Variants in DYNC1H1 observed in about 807,000 individuals in gnomAD.
DYNC1H1 encodes cytoplasmic dynein 1 heavy chain 1.
In DYNC1H1, 51 loss-of-function variants were observed where a neutral mutation model predicts 527.1. The observed-to-expected ratio is 0.10, with a 90% CI of 0.08 to 0.12. The LOEUF (loss-of-function observed/expected upper bound fraction) is 0.12. Among genes scored for constraint, DYNC1H1 ranks in the 10% least tolerant of loss-of-function variants. The probability of loss-of-function intolerance (pLI) is 1.00; values close to 1 mark genes in which losing one functional copy is unlikely to be tolerated. For missense variants in DYNC1H1, 2,771 were observed against 5,971.8 expected (o/e 0.46, Z 17.66); for synonymous variants, 2,189 against 2,278.8 (o/e 0.96, Z 1.12).
At chr14:101,995,426 A>T (rs980903441) in intron 15 of DYNC1H1, 126 bp downstream of exon 15, 1 of 1,196,828 alleles carries the variant, frequency 8.4e-7, no homozygotes, top group Non-Finnish European at 1.2e-6. Context: ...CCTGGCTAAC[A>T]CGGTGAAATG....
At position 102,020,808 on chromosome 14, in the gene DYNC1H1, G is replaced by A. The variant is rs1367986417; in HGVS notation, c.8507+752G>A. Among the ~76,000 whole-genome samples, 1 of 152,154 alleles carries A rather than the reference G, an allele frequency of 6.6e-6. No homozygotes were observed. The highest frequency in any genetic ancestry group is 1.5e-5 in the Non-Finnish European group (1 of 68,016). On this transcript the variant is annotated intron_variant, in intron 42 of 77. Coordinates refer to ENST00000360184, the MANE Select transcript of DYNC1H1 (RefSeq NM_001376.5). This position sits in a 1 kb window ranked among gnomAD's most constrained non-coding sequence, Gnocchi z 4.3. Reference sequence around the variant, plus strand: ...TTTGGCAGCTGTGCCTCTGGACCAGGTGTCATCCTGCAGTTTTTCCTGTCA... The same window carrying A: ...TTTGGCAGCTGTGCCTCTGGACCAGATGTCATCCTGCAGTTTTTCCTGTCA...
chr14:102,040,560 G>T (rs1461897577), intron 63 of DYNC1H1, 38 bp from the exon 64 acceptor site: 4 of 1,613,810 alleles, frequency 2.5e-6, no homozygotes, highest in Non-Finnish European at 3.4e-6. Context: ...CCAGAGGCCA[G>T]CCCTGCTCCA....
Position 102,016,137 on chromosome 14 carries a change from G to T in DYNC1H1, c.7473+51G>T, listed in dbSNP as rs1390829892. The T allele has an allele frequency of 1.3e-6, 2 of 1,558,288 alleles. No individual in the cohort carries two copies. The highest frequency in any genetic ancestry group is 1.7e-6 in the Non-Finnish European group (2 of 1,150,742). On this transcript the variant is annotated intron_variant, in intron 36 of 77. Coordinates refer to ENST00000360184, the MANE Select transcript of DYNC1H1 (RefSeq NM_001376.5). The surrounding 1 kb of genome is among the most constrained non-coding windows in gnomAD (Gnocchi z 7.3). The stretch of plus-strand genomic sequence containing the variant: ...GAGCTCACCACTGCGCCAGACCACA[G>T]GTCTGAGGACCTCTGAAATGCTGCA...
chr14:101,997,919 A>G lies in DYNC1H1; in HGVS notation c.3804+645A>G, dbSNP rs2048082443. 6.6e-6 allele frequency among the ~76,000 whole-genome samples: 1 copy of G among 152,214 alleles called. No homozygotes were observed. The highest frequency in any genetic ancestry group is 2.1e-4 in the South Asian group (1 of 4,834). On this transcript the variant is annotated intron_variant, in intron 16 of 77. Coordinates refer to ENST00000360184, the MANE Select transcript of DYNC1H1 (RefSeq NM_001376.5). The surrounding 1 kb of genome is among the most constrained non-coding windows in gnomAD (Gnocchi z 4.8). ...AAAGGCAGGTGGTGGTGCTGCTGCGACAGAAGCAGATGAGAGGGCGCTGGC... is the reference window on the plus strand; with the variant it reads ...AAAGGCAGGTGGTGGTGCTGCTGCGGCAGAAGCAGATGAGAGGGCGCTGGC...
Position 101,988,692 on chromosome 14 carries a change from G to A in DYNC1H1, c.2719-11G>A, listed in dbSNP as rs1166917410. On this transcript the variant is annotated splice_polypyrimidine_tract_variant and intron_variant, in intron 9 of 77. Coordinates refer to ENST00000360184, the MANE Select transcript of DYNC1H1 (RefSeq NM_001376.5). Reference sequence around the variant, plus strand: ...AAGAAACACTGTTCTCTGATATAACGTTGTCTGTAGATTGAAAGAATATTG... The same window carrying A: ...AAGAAACACTGTTCTCTGATATAACATTGTCTGTAGATTGAAAGAATATTG... 5.6e-6 allele frequency: 9 copies of A among 1,613,426 alleles called. No individual in the cohort carries two copies. The highest frequency in any genetic ancestry group is 6.8e-6 in the Non-Finnish European group (8 of 1,179,650).
chr14:102,038,080 A>G lies in DYNC1H1; in HGVS notation c.10909-380A>G. 2.9e-6 allele frequency: 1 copy of G among 349,380 alleles called. No individual in the cohort carries two copies. The highest frequency in any genetic ancestry group is 2.3e-5 in the South Asian group (1 of 44,166). 21.6% of individuals were successfully genotyped at this position (349,380 alleles called of 1,614,324 possible). A position where few individuals can be genotyped will look rare whatever the true frequency, so the allele number is the denominator to read the frequency against. ...CCCCCAGTCTGAACCTCCCAGGTTC[A>G]AGCAATTCTGTCTCAGCCTCCCAGG... On this transcript the variant is annotated intron_variant, in intron 57 of 77. Coordinates refer to ENST00000360184, the MANE Select transcript of DYNC1H1 (RefSeq NM_001376.5). The surrounding 1 kb of genome is among the most constrained non-coding windows in gnomAD (Gnocchi z 7.2).
In DYNC1H1 at chr14:102,028,161, C is replaced by G. The variant is rs760693848; in HGVS notation, c.9468+20C>G. On this transcript the variant is annotated intron_variant, in intron 48 of 77. Coordinates refer to ENST00000360184, the MANE Select transcript of DYNC1H1 (RefSeq NM_001376.5). ...CACCAGGTGGGTTCAGTTTTGAGAT[C>G]AACAGATAAACCACAAAACTAACCA... 35 of 1,612,782 alleles carry G rather than the reference C, an allele frequency of 2.2e-5. No homozygotes were observed. The highest frequency in any genetic ancestry group is 3.0e-5 in the Non-Finnish European group (35 of 1,179,066).
Position 101,964,686 on chromosome 14 carries a change from G to T in DYNC1H1, c.-6G>T. ...ATCGCTCCTGGAAGGTCCCGAGCGC[G>T]ACACCATGTCGGAGCCCGGGGGCGG... On this transcript the variant is annotated 5_prime_UTR_variant, in exon 1 of 78. Transcript: ENST00000360184. This position sits in a 1 kb window ranked among gnomAD's most constrained non-coding sequence, Gnocchi z 5.5. 1.3e-6 allele frequency: 2 copies of T among 1,586,824 alleles called. No homozygotes were observed. The highest frequency in any genetic ancestry group is 1.1e-5 in the South Asian group (1 of 89,114).
At chr14:102,035,341 C>CTGTT in intron 56 of DYNC1H1, 1 of 152,360 alleles carries the variant, frequency 6.6e-6, no homozygotes, top group South Asian at 2.1e-4. Context: ...GAAGTACTAC[C>CTGTT]TGTTTTTCTG....
At chr14:101,998,845 T>C (rs1023604844) in intron 16 of DYNC1H1, among the ~76,000 whole-genome samples, 5 of 151,800 alleles carry the variant, frequency 3.3e-5, no homozygotes, top group Admixed American at 6.6e-5. Context: ...CACTTTACCT[T>C]GGTGCCAGTA....
At position 102,055,943 on chromosome 14, in the gene DYNC1H1, A is replaced by C. The variant is rs2048871975; in HGVS notation, c.*5380A>C. ...CTTGTGAACTCCGAAAATCTGAGAC[A>C]GGTCTCAGTTAATTTAGAAAAGATA... On this transcript the variant is annotated 3_prime_UTR_variant, in exon 78 of 78. Coordinates refer to ENST00000360184, the MANE Select transcript of DYNC1H1 (RefSeq NM_001376.5). The C allele has an allele frequency of 6.6e-6, 1 of 152,268 alleles. No individual in the cohort carries two copies. The highest frequency in any genetic ancestry group is 1.5e-5 in the Non-Finnish European group (1 of 68,072). The allele number at this position is 152,268 out of a possible 1,614,324, so 9.4% of individuals were successfully genotyped here.
chr14:102,048,145 C>A, intron 73 of DYNC1H1, 117 bp downstream of exon 73: 1 of 1,317,310 alleles, frequency 7.6e-7, no homozygotes, highest in Non-Finnish European at 1.0e-6. Flanking sequence ...GTACTCACAC[C>A]GGTGTCACCT....
Position 102,016,974 on chromosome 14 carries a change from C to T in DYNC1H1, c.7823C>T (p.Ala2608Val). 1 of 1,614,256 alleles carries T rather than the reference C, an allele frequency of 6.2e-7. No individual in the cohort carries two copies. Among genetic ancestry groups the T allele is most frequent in the Non-Finnish European group, 8.5e-7 (1 of 1,180,044 alleles). The change falls in exon 38 of 78, where the codon GCC (alanine) becomes GTC (valine). Residue 2608 changes from alanine to valine, a missense_variant. Around this residue, in one of 32 missense-constraint regions of DYNC1H1, gnomAD observed 163 missense variants for 346.9 expected, o/e 0.47. Coordinates refer to ENST00000360184, the MANE Select transcript of DYNC1H1 (RefSeq NM_001376.5). The surrounding 1 kb of genome is among the most constrained non-coding windows in gnomAD (Gnocchi z 7.3). The stretch of plus-strand genomic sequence containing the variant: ...GGCAAGACCATGACACTCTTCAGCG[C>T]CCTCCGGGCCTTGCCTGACATGGAG... ...GSGKTMTLFS[A>V]LRALPDMEVV...
chr14:102,029,683 C>T lies in DYNC1H1; in HGVS notation c.9613C>T (p.Leu3205Phe). Residue 3205 changes from leucine to phenylalanine, a missense_variant, in exon 49 of 78, where the codon CTC becomes TTC. This residue lies in a region of DYNC1H1 where 30 missense variants were observed against 117.8 expected (regional missense o/e 0.25). Coordinates refer to ENST00000360184, the MANE Select transcript of DYNC1H1 (RefSeq NM_001376.5). This position sits in a 1 kb window ranked among gnomAD's most constrained non-coding sequence, Gnocchi z 5.3. ...EEQQMHLNVGLRKIKETVDQV... is the reference protein window; with the variant it reads ...EEQQMHLNVGFRKIKETVDQV... ...GCAGCAGATGCACTTGAACGTGGGGCTCAGGAAGATCAAAGAGACAGTCGA... is the reference window on the plus strand; with the variant it reads ...GCAGCAGATGCACTTGAACGTGGGGTTCAGGAAGATCAAAGAGACAGTCGA... 1 of 1,614,184 alleles carries T rather than the reference C, an allele frequency of 6.2e-7. No homozygotes were observed.
intron 15 of DYNC1H1, among the ~76,000 whole-genome samples, chr14:101,996,326 C>A (rs1471547786): frequency 6.6e-6 from 1 of 151,700 alleles, no homozygotes; most frequent in Non-Finnish European, 1.5e-5. Flanking sequence ...GACGGGGTTT[C>A]TCCTTGTTGG....
chr14:102,019,347 T>TGGATGCGGGGGATGAGTGGGAGCCGCC (rs1374491960), intron 41 of DYNC1H1, among the ~76,000 whole-genome samples: 2 of 152,250 alleles, frequency 1.3e-5, no homozygotes, highest in African/African-American at 4.8e-5. Flanking sequence ...ATGGAGCCGC[T>TGGATGCGGGGGATGAGTGGGAGCCGCC]GGCTGCGGGG....
rs575610052 is a variant in DYNC1H1 at position 102,026,939 on chromosome 14, C to T, written c.8771+232C>T. 7.8e-6 allele frequency: 6 copies of T among 769,822 alleles called. No homozygotes were observed. In the Admixed American group the frequency reaches 1.3e-4, roughly 17 times the overall value. The allele number at this position is 769,822 out of a possible 1,614,324, so 47.7% of individuals were successfully genotyped here. On this transcript the variant is annotated intron_variant, in intron 44 of 77. Coordinates refer to ENST00000360184, the MANE Select transcript of DYNC1H1 (RefSeq NM_001376.5). ...ACTGCATACCTGCCATAATTATGGC[C>T]CTTTGACCTTCTGCTGGAATTGCAT...
intron 2 of DYNC1H1, among the ~76,000 whole-genome samples, chr14:101,978,646 C>T (rs1402769451): frequency 1.3e-5 from 2 of 152,144 alleles, no homozygotes; most frequent in Non-Finnish European, 2.9e-5. Flanking sequence ...TCCCAAGAAG[C>T]TTGTCTTTGG....
intron 43 of DYNC1H1, chr14:102,023,218 G>A (rs944678476): frequency 8.3e-6 from 3 of 362,552 alleles, no homozygotes; most frequent in African/African-American, 4.3e-5. Context: ...CTGCAGCCTG[G>A]GTAAAAGAGC....
Sources: gnomAD v4.1 joint callset for allele counts (sites outside exome capture counted in the v4.1 genomes callset) on GRCh38, gnomAD v4.1.1 for gene constraint, gnomAD v4.1.1 regional missense constraint, Gnocchi (gnomAD v3.1) non-coding constraint, MANE v1.5 for transcripts, NCBI Gene and HGNC (gene_info 2026-07-23, HGNC 2026-07-21) for gene names.